The following DPP10 variants were observed in gnomAD, a reference collection of about 807,000 sequenced individuals.
The protein encoded by DPP10 is dipeptidyl peptidase like 10.
DPP10 carries 33 observed loss-of-function variants against 120.9 expected under a neutral mutation model. That is an observed-to-expected ratio of 0.27 (90% CI 0.21 to 0.37). DPP10 has a LOEUF of 0.37. Among genes scored for constraint, DPP10 ranks in the 10% least tolerant of loss-of-function variants. The pLI is 1.00. For synonymous variants in DPP10, 337 were observed against 326.1 expected, an observed-to-expected ratio of 1.03 and a Z score of -0.36; for missense variants, 816 against 942.8, an observed-to-expected ratio of 0.87 and a Z score of 1.76.
chr2:115,347,823 T>A (rs2063785455), intron 3 of DPP10, among the ~76,000 whole-genome samples: 1 of 152,204 alleles, frequency 6.6e-6, no homozygotes, highest in Admixed American at 6.5e-5. Flanking sequence ...CATCCTTTTT[T>A]GTGGCTGCAT....
chr2:114,470,025 C>A (rs1679776483), intron 1 of DPP10, among the ~76,000 whole-genome samples: 2 of 152,234 alleles, frequency 1.3e-5, no homozygotes, highest in Non-Finnish European at 2.9e-5. Context: ...TGTGGGCAGA[C>A]ACAGAGTGTT....
intron 21 of DPP10, among the ~76,000 whole-genome samples, chr2:115,818,231 G>A (rs528420745): frequency 6.6e-6 from 1 of 152,188 alleles, no homozygotes; most frequent in African/African-American, 2.4e-5. Context: ...AAAAAGTTCT[G>A]GAAATCTGTT....
chr2:115,166,024 T>C (rs1375865010), intron 1 of DPP10, among the ~76,000 whole-genome samples: 1 of 152,232 alleles, frequency 6.6e-6, no homozygotes, highest in South Asian at 2.1e-4. Context: ...AAATGTGTAA[T>C]GTGTAAAATG....
At chr2:115,018,398 C>T (rs1024187935) in intron 1 of DPP10, among the ~76,000 whole-genome samples, 1 of 152,174 alleles carries the variant, frequency 6.6e-6, no homozygotes, top group Non-Finnish European at 1.5e-5. Flanking sequence ...ACTATAAAGA[C>T]ATATGCACAC....
At chr2:115,200,184 C>CT (rs1346656852) in intron 1 of DPP10, among the ~76,000 whole-genome samples, 1 of 152,174 alleles carries the variant, frequency 6.6e-6, no homozygotes. Flanking sequence ...CAGCTGAACT[C>CT]TATCTTCTCT....
At chr2:114,511,938 C>T (rs937419093) in intron 1 of DPP10, among the ~76,000 whole-genome samples, 4 of 152,164 alleles carry the variant, frequency 2.6e-5, no homozygotes, top group African/African-American at 7.2e-5. Flanking sequence ...TAAATGTTGT[C>T]TCTTGCTAGA....
At chr2:115,558,772 C>A (rs2080377523) in intron 5 of DPP10, among the ~76,000 whole-genome samples, 1 of 152,080 alleles carries the variant, frequency 6.6e-6, no homozygotes, top group African/African-American at 2.4e-5. Flanking sequence ...GAGGCATCAA[C>A]AAATAGGTAA....
chr2:114,640,352 T>C (rs1172123734), intron 1 of DPP10, among the ~76,000 whole-genome samples: 1 of 151,930 alleles, frequency 6.6e-6, no homozygotes, highest in East Asian at 1.9e-4. Flanking sequence ...ATGTTTTCCC[T>C]TATTCTAACA....
chr2:115,002,585 C>A lies in DPP10; in HGVS notation c.61-306654C>A, dbSNP rs143459699. On this transcript the variant is annotated intron_variant, in intron 1 of 25. Transcript: ENST00000410059. ...ACTATCAATAAACAAACAACCTATA[C>A]AATGGGAGAAAATATTTACAAACTA... Among the ~76,000 whole-genome samples, 1,131 of 152,032 alleles carry A rather than the reference C, an allele frequency of 7.4e-3. 5 individuals are homozygous for A. The highest frequency in any genetic ancestry group is 0.01 in the Middle Eastern group (3 of 294).
chr2:115,812,213 T>G (rs1686721704), intron 19 of DPP10, among the ~76,000 whole-genome samples: 1 of 152,200 alleles, frequency 6.6e-6, no homozygotes, highest in Non-Finnish European at 1.5e-5. Context: ...GTGAAGTTAA[T>G]CTTTGGTACC....
chr2:114,756,252 A>G (rs1679734530), intron 1 of DPP10, among the ~76,000 whole-genome samples: 1 of 152,206 alleles, frequency 6.6e-6, no homozygotes, highest in South Asian at 2.1e-4. Context: ...AAAGACATGC[A>G]TACAAGTTAT....
At chr2:115,517,690 T>G (rs2077576490) in intron 4 of DPP10, among the ~76,000 whole-genome samples, 2 of 152,212 alleles carry the variant, frequency 1.3e-5, no homozygotes, top group African/African-American at 4.8e-5. Context: ...AATTGCTAAA[T>G]CTATCACGAT....
chr2:115,138,531 A>G (rs2050762506), intron 1 of DPP10, among the ~76,000 whole-genome samples: 1 of 152,200 alleles, frequency 6.6e-6, no homozygotes, highest in South Asian at 2.1e-4. Flanking sequence ...ATTTATATTA[A>G]CTCAATGTTT....
At chr2:115,745,680 C>G (rs1175964469) in intron 9 of DPP10, among the ~76,000 whole-genome samples, 1 of 149,198 alleles carries the variant, frequency 6.7e-6, no homozygotes, top group Non-Finnish European at 1.5e-5. Flanking sequence ...CATTTCTCCT[C>G]TTTTTTTTTA....
chr2:115,162,009 A>G, intron 1 of DPP10: 1 of 1,385,624 alleles, frequency 7.2e-7, no homozygotes, highest in African/African-American at 1.5e-5. Context: ...AGGGCGAGCC[A>G]GGCGCAGCCG....
At chr2:115,456,638 C>T (rs1004486190) in intron 3 of DPP10, among the ~76,000 whole-genome samples, 1 of 151,960 alleles carries the variant, frequency 6.6e-6, no homozygotes, top group African/African-American at 2.4e-5. Context: ...CCATAAAAAA[C>T]GATGAGTTCC....
At chr2:115,428,285 C>T (rs1274244701) in intron 3 of DPP10, among the ~76,000 whole-genome samples, 1 of 152,318 alleles carries the variant, frequency 6.6e-6, no homozygotes, top group East Asian at 1.9e-4. Context: ...AAGCTGTTTC[C>T]ACATTTTCAG....
intron 1 of DPP10, among the ~76,000 whole-genome samples, chr2:114,958,880 A>AT (rs1698407673): frequency 6.6e-6 from 1 of 152,074 alleles, no homozygotes; most frequent in South Asian, 2.1e-4. Flanking sequence ...GGCTTTTTAC[A>AT]TTTTCCAGGG....
intron 1 of DPP10, among the ~76,000 whole-genome samples, chr2:115,141,672 A>G (rs966093659): frequency 2.6e-5 from 4 of 152,238 alleles, no homozygotes; most frequent in Non-Finnish European, 4.4e-5. Flanking sequence ...TGTAAGCTTT[A>G]TGAGGATTTA....
Sources: allele counts gnomAD v4.1 joint callset (sites outside exome capture counted in the v4.1 genomes callset), GRCh38; gene constraint gnomAD v4.1.1; transcripts MANE v1.5; gene names NCBI Gene and HGNC (gene_info 2026-07-23, HGNC 2026-07-21).